The following WDTC1 variants were observed in gnomAD, a reference collection of about 807,000 sequenced individuals.
WDTC1 encodes the protein WD and tetratricopeptide repeats protein 1.
WDTC1 carries 12 observed loss-of-function variants against 76.0 expected under a neutral mutation model. The observed-to-expected ratio is 0.16, with a 90% CI of 0.10 to 0.26. The LOEUF (loss-of-function observed/expected upper bound fraction) is 0.26, where lower values mean the gene tolerates loss of function less well. Among genes scored for constraint, WDTC1 ranks in the 10% least tolerant of loss-of-function variants. The pLI is 1.00. For missense variants in WDTC1, 511 were observed against 908.8 expected, an observed-to-expected ratio of 0.56 and a Z score of 5.63; for synonymous variants, 326 against 350.8, an observed-to-expected ratio of 0.93 and a Z score of 0.79.
chr1:27,290,346 A>G (rs904546659), intron 6 of WDTC1, among the ~76,000 whole-genome samples: 12 of 152,064 alleles, frequency 7.9e-5, no homozygotes, highest in African/African-American at 2.9e-4. Flanking sequence ...GGCCTCCCAC[A>G]GTGCTATGAT....
At chr1:27,299,821 G>A (rs2013786623) in intron 12 of WDTC1, among the ~76,000 whole-genome samples, 1 of 152,112 alleles carries the variant, frequency 6.6e-6, no homozygotes, top group Non-Finnish European at 1.5e-5. Context: ...CCTGGGGCCA[G>A]CCTGCTCTCT....
rs748588776 is a variant in WDTC1, at chr1:27,282,299, A to G, written c.179+14A>G. On this transcript the variant is annotated intron_variant, in intron 4 of 15. Transcript: ENST00000319394. ...TGAGAAAGGAGAGTAAGTATGAGCTAGAGCACCTGAAGGGTGCTGGGGAAG... is the reference window on the plus strand; with the variant it reads ...TGAGAAAGGAGAGTAAGTATGAGCTGGAGCACCTGAAGGGTGCTGGGGAAG... The G allele has an allele frequency of 3.1e-6, 5 of 1,613,472 alleles. 1 individual carries two copies. The South Asian group carries it at 3.3e-5, about 11-fold the overall frequency.
intron 6 of WDTC1, among the ~76,000 whole-genome samples, chr1:27,288,746 ACTT>A (rs1250874072): frequency 6.6e-6 from 1 of 151,634 alleles, no homozygotes; most frequent in South Asian, 2.1e-4. Flanking sequence ...TCCCATGTCT[ACTT>A]CTTTCTACAC....
intron 8 of WDTC1, 60 bp from the exon 9 acceptor site, chr1:27,294,454 C>T (rs776155768): frequency 6.7e-5 from 98 of 1,465,606 alleles, no homozygotes; most frequent in Non-Finnish European, 9.4e-5. Flanking sequence ...TGACTTCACA[C>T]AATCTCATGC....
intron 1 of WDTC1, among the ~76,000 whole-genome samples, chr1:27,253,807 AGT>A (rs1267302194): frequency 6.6e-6 from 1 of 152,170 alleles, no homozygotes; most frequent in Non-Finnish European, 1.5e-5. Flanking sequence ...CCCTTGATGT[AGT>A]CTTTTCTAGT....
At chr1:27,251,977 G>A (rs976022009) in intron 1 of WDTC1, among the ~76,000 whole-genome samples, 1 of 151,992 alleles carries the variant, frequency 6.6e-6, no homozygotes, top group Non-Finnish European at 1.5e-5. Flanking sequence ...GAACCCGGGA[G>A]GCAGAGGTTG....
chr1:27,237,861 CAAAAAAA>C (rs11427877), intron 1 of WDTC1, among the ~76,000 whole-genome samples: 1 of 126,298 alleles, frequency 7.9e-6, no homozygotes, highest in Non-Finnish European at 1.6e-5. Context: ...AACTCCATCT[CAAAAAAA>C]AAAAAAAGAA....
chr1:27,256,153 C>T (rs1236510993), intron 1 of WDTC1, among the ~76,000 whole-genome samples: 1 of 152,174 alleles, frequency 6.6e-6, no homozygotes, highest in South Asian at 2.1e-4. Context: ...GCAGGACCCA[C>T]GACTAAAATC....
intron 1 of WDTC1, among the ~76,000 whole-genome samples, chr1:27,256,116 G>A (rs533367143): frequency 6.6e-6 from 1 of 152,272 alleles, no homozygotes; most frequent in South Asian, 2.1e-4. Flanking sequence ...CTTGAAGAAT[G>A]CTAAAACAAG....
chr1:27,236,126 T>G (rs530062103), intron 1 of WDTC1, among the ~76,000 whole-genome samples: 2 of 152,342 alleles, frequency 1.3e-5, no homozygotes, highest in East Asian at 3.9e-4. Context: ...CTGCTCACTG[T>G]ACTGAAGGAA....
At chr1:27,292,438 C>G (rs768421465) in intron 7 of WDTC1, 41 bp downstream of exon 7, 13 of 1,480,662 alleles carry the variant, frequency 8.8e-6, no homozygotes, top group Non-Finnish European at 1.2e-5. Context: ...GAGTAAGTCC[C>G]CAGAGAACCT....
chr1:27,289,996 CG>C (rs1447816759), intron 6 of WDTC1, among the ~76,000 whole-genome samples: 1 of 144,876 alleles, frequency 6.9e-6, no homozygotes, highest in Non-Finnish European at 1.5e-5. Context: ...AGAGGGAGAC[CG>C]TGGAAAGAGA....
In WDTC1 at chr1:27,289,981, G is replaced by A. The variant is rs868807510; in HGVS notation, c.479+2120G>A. On this transcript the variant is annotated intron_variant, in intron 6 of 15. Coordinates refer to ENST00000319394, the MANE Select transcript of WDTC1 (RefSeq NM_001276252.2). ...GCATCAGAGAGAGACCGTGGAAAGA[G>A]AGGGAGAGGGAGACCGTGGAAAGAG... is the stretch of plus-strand genomic sequence containing the variant. 5.9e-5 allele frequency among the ~76,000 whole-genome samples: 9 copies of A among 151,536 alleles called. No homozygotes were observed. In the South Asian group the frequency reaches 1.9e-3, roughly 32 times the overall value.
At chr1:27,270,088 C>T (rs758539983) in intron 3 of WDTC1, among the ~76,000 whole-genome samples, 1 of 152,036 alleles carries the variant, frequency 6.6e-6, no homozygotes. Context: ...CAGACATGCA[C>T]CACCATGCCC....
chr1:27,303,669 C>G lies in WDTC1; in HGVS notation c.1517C>G (p.Thr506Arg), dbSNP rs41291068. Residue 506 changes from threonine (T) to arginine (R), a missense_variant, in exon 14 of 16, where the codon ACG becomes AGG. Transcript: ENST00000319394. This position sits in a 1 kb window ranked among gnomAD's most constrained non-coding sequence, Gnocchi z 4.8. The part of the protein sequence containing the change: ...GGGAPVRLRS[T>R]SRKDSISEDE... Reference sequence around the variant, plus strand: ...GGCGCCCCAGTCCGCCTCCGCAGCACGAGCCGCAAGGACTCCATCTCAGAG... The same window carrying G: ...GGCGCCCCAGTCCGCCTCCGCAGCAGGAGCCGCAAGGACTCCATCTCAGAG... 15 of 1,611,482 alleles carry G rather than the reference C, an allele frequency of 9.3e-6. No homozygotes were observed. The highest frequency in any genetic ancestry group is 2.7e-5 in the African/African-American group (2 of 74,776).
chr1:27,284,555 A>G (rs1458143047), intron 5 of WDTC1, among the ~76,000 whole-genome samples: 1 of 152,144 alleles, frequency 6.6e-6, no homozygotes, highest in Non-Finnish European at 1.5e-5. Context: ...TATATGACTA[A>G]CGGAAACTGC....
At chr1:27,291,873 C>T (rs921384163) in intron 6 of WDTC1, among the ~76,000 whole-genome samples, 14 of 152,120 alleles carry the variant, frequency 9.2e-5, no homozygotes, top group African/African-American at 3.1e-4. Flanking sequence ...CTAGGGATGG[C>T]GTTAGGAATT....
Position 27,273,206 on chromosome 1 carries a change from CTTTTTT to C in WDTC1, c.133-9018_133-9013del, listed in dbSNP as rs57130485. ...AAATGACTAATTTTCTTTTTCTTTT[CTTTTTT>C]TTTTTTTTTTTTTTGAGATGGAGTC... On this transcript the variant is annotated intron_variant, in intron 3 of 15. Coordinates refer to ENST00000319394, the MANE Select transcript of WDTC1 (RefSeq NM_001276252.2). 7.7e-5 allele frequency among the ~76,000 whole-genome samples: 8 copies of C among 103,668 alleles called. No homozygotes were observed. In the South Asian group the frequency reaches 1.8e-3, roughly 23 times the overall value. The allele number at this position is 103,668 out of a possible 152,430, so 68.0% of individuals were successfully genotyped here. A position where few individuals can be genotyped will look rare whatever the true frequency, so the allele number is the denominator to read the frequency against.
At chr1:27,292,162 C>T in intron 6 of WDTC1, 53 bp from the exon 7 acceptor site, 1 of 1,428,040 alleles carries the variant, frequency 7.0e-7, no homozygotes, top group South Asian at 1.5e-5. Context: ...TTTCCCCTGC[C>T]TTCCTCTCAA....
Sources: gnomAD v4.1 joint callset for allele counts (sites outside exome capture counted in the v4.1 genomes callset) on GRCh38, gnomAD v4.1.1 for gene constraint, Gnocchi (gnomAD v3.1) non-coding constraint, MANE v1.5 for transcripts, NCBI Gene and HGNC (gene_info 2026-07-23, HGNC 2026-07-21) for gene names.